Variants in OR7G2 observed in about 807,000 individuals in gnomAD.
The protein encoded by OR7G2 is olfactory receptor 7G2.
For synonymous variants in OR7G2, 153 were observed against 152.2 expected (o/e 1.01, Z -0.04); for missense variants, 362 against 384.0 (o/e 0.94, Z 0.48).
At position 9,103,311 on chromosome 19, in the gene OR7G2, C is replaced by T. The variant is rs372291751; in HGVS notation, c.-16-52G>A. ...AAGCAGCAGCTGCATCGGCATCACTCGAGAACATGACAGAAACGCAAAATC... is the reference window on the plus strand; with the variant it reads ...AAGCAGCAGCTGCATCGGCATCACTTGAGAACATGACAGAAACGCAAAATC... On this transcript the variant is annotated intron_variant, in intron 1 of 1. Coordinates refer to ENST00000641081, the MANE Select transcript of OR7G2 (RefSeq NM_001005193.2). 28 of 1,602,712 alleles carry T rather than the reference C, an allele frequency of 1.7e-5. No individual in the cohort carries two copies. The African/African-American group carries it at 2.1e-4, about 12-fold the overall frequency.
chr19:9,101,941 GC>G lies in OR7G2; in HGVS notation c.*327del. ...AGGCAGGCTGGGCGCATTGTCTCACGCCTGTAATCCCAGCACTTTGGGAGGC... is the reference window on the plus strand; with the variant it reads ...AGGCAGGCTGGGCGCATTGTCTCACGCTGTAATCCCAGCACTTTGGGAGGC... On this transcript the variant is annotated 3_prime_UTR_variant, in exon 2 of 2. Coordinates refer to ENST00000641081, the MANE Select transcript of OR7G2 (RefSeq NM_001005193.2). The G allele has an allele frequency of 4.8e-6, 1 of 207,740 alleles. No individual in the cohort carries two copies. Among genetic ancestry groups the G allele is most frequent in the Non-Finnish European group, 9.6e-6 (1 of 103,634 alleles). 12.9% of individuals were successfully genotyped at this position (207,740 alleles called of 1,614,324 possible).
rs115235265 is a variant in OR7G2, at chr19:9,104,057, T to C, written c.-16-798A>G. On this transcript the variant is annotated intron_variant, in intron 1 of 1. Transcript: ENST00000641081. ...GCTAATTAAAAAAAAATTTTTTTTT[T>C]CGTATGTTTAGTAGAGACAGGGTCT... Among the ~76,000 whole-genome samples the C allele has an allele frequency of 6.7e-3, 1,015 of 150,910 alleles. 16 individuals are homozygous for C. Among genetic ancestry groups the C allele is most frequent in the African/African-American group, 0.023 (934 of 41,024 alleles).
chr19:9,106,757 G>T (rs527296463), intron 1 of OR7G2, among the ~76,000 whole-genome samples: 60 of 143,034 alleles, frequency 4.2e-4, no homozygotes, highest in African/African-American at 1.5e-3. Flanking sequence ...AAAAAAAAGT[G>T]CATATTTCAA....
chr19:9,104,047 AT>A (rs1017639735), intron 1 of OR7G2, among the ~76,000 whole-genome samples: 92 of 147,150 alleles, frequency 6.3e-4, no homozygotes, highest in African/African-American at 1.9e-3. Context: ...TTAAAAAAAA[AT>A]TTTTTTTTTC....
Position 9,102,665 on chromosome 19 carries a change from G to A in OR7G2, c.579C>T (p.Leu193=), listed in dbSNP as rs1374636976. The change falls in exon 2 of 2, where the codon CTC becomes CTT. Residue 193 remains leucine (L), a synonymous_variant. Transcript: ENST00000641081. ...QVIQLTCSDT[L]INNILIYFAA... ...CAAAATATATCAGGATGTTATTGAT[G>A]AGGGTGTCTGAACAGGTGAGTTGGA... is the stretch of plus-strand genomic sequence containing the variant. 3.1e-6 allele frequency: 5 copies of A among 1,614,192 alleles called. No homozygotes were observed. The highest frequency in any genetic ancestry group is 1.7e-5 in the Admixed American group (1 of 59,994).
At chr19:9,106,673 G>A (rs2050388094) in intron 1 of OR7G2, among the ~76,000 whole-genome samples, 1 of 144,298 alleles carries the variant, frequency 6.9e-6, no homozygotes, top group Non-Finnish European at 1.5e-5. Flanking sequence ...GGAGGCGGAG[G>A]TTGCAGTGAG....
Position 9,102,721 on chromosome 19 carries a change from G to A in OR7G2, c.523C>T (p.Pro175Ser). 1 of 1,614,114 alleles carries A rather than the reference G, an allele frequency of 6.2e-7. No individual in the cohort carries two copies. Among genetic ancestry groups the A allele is most frequent in the Non-Finnish European group, 8.5e-7 (1 of 1,180,028 alleles). Residue 175 changes from proline to serine, a missense_variant, in exon 2 of 2, where the codon CCG becomes TCG. Transcript: ENST00000641081. ...RLSFCTDLEI[P>S]LFFCELAQVI... is the part of the protein sequence containing the mutation. ...TGAGCCAGTTCACAGAAGAAGAGCG[G>A]GATTTCCAGGTCTGTGCAGAAGGAC...
At chr19:9,107,034 T>C (rs932786237) in intron 1 of OR7G2, among the ~76,000 whole-genome samples, 1 of 138,098 alleles carries the variant, frequency 7.2e-6, no homozygotes, top group Non-Finnish European at 1.6e-5. Context: ...AGAACCTGTG[T>C]CTACAAAAAA....
chr19:9,104,026 T>C (rs1448932031), intron 1 of OR7G2, among the ~76,000 whole-genome samples: 1 of 151,354 alleles, frequency 6.6e-6, no homozygotes, highest in East Asian at 2.0e-4. Context: ...CACAGCACCA[T>C]ATTTGGCTAA....
chr19:9,102,578 G>A lies in OR7G2; in HGVS notation c.666C>T (p.Thr222=). 1 of 1,614,114 alleles carries A rather than the reference G, an allele frequency of 6.2e-7. No individual in the cohort carries two copies. The highest frequency in any genetic ancestry group is 8.5e-7 in the Non-Finnish European group (1 of 1,180,000). The change falls in exon 2 of 2, where the codon ACC becomes ACT. Residue 222 remains threonine, a synonymous_variant. Coordinates refer to ENST00000641081, the MANE Select transcript of OR7G2 (RefSeq NM_001005193.2). ...SGIILSYTQI[T]SCVLRMPSAS... is the part of the protein sequence containing the mutation. ...CTGATGGCATTCTCAAAACACAGGA[G>A]GTGATCTGAGTGTAAGACAAAATGA...
At chr19:9,106,179 A>G (rs940385241) in intron 1 of OR7G2, among the ~76,000 whole-genome samples, 1 of 152,118 alleles carries the variant, frequency 6.6e-6, no homozygotes, top group Non-Finnish European at 1.5e-5. Flanking sequence ...GCACTTTGGG[A>G]GGCTGAGGCA....
In OR7G2 at chr19:9,102,868, T is replaced by C. The variant is rs2050362944; in HGVS notation, c.376A>G (p.Ile126Val). 2 of 1,613,828 alleles carry C rather than the reference T, an allele frequency of 1.2e-6. No individual in the cohort carries two copies. Among genetic ancestry groups the C allele is most frequent in the East Asian group, 4.5e-5 (2 of 44,884 alleles). Residue 126 changes from isoleucine (I) to valine (V), a missense_variant, in exon 2 of 2, where the codon ATT (isoleucine) becomes GTT (valine). By Grantham distance (29) the Ile-to-Val change is conservative. Coordinates refer to ENST00000641081, the MANE Select transcript of OR7G2 (RefSeq NM_001005193.2). Reference sequence around the variant, plus strand: ...ACTGTGTATCTAAGGGGGTGACAAATGGCCACATAGCGGTCATAGGCCATT... The same window carrying C: ...ACTGTGTATCTAAGGGGGTGACAAACGGCCACATAGCGGTCATAGGCCATT... Reference protein sequence around the residue: ...AAMAYDRYVAICHPLRYTVIM... With the variant: ...AAMAYDRYVAVCHPLRYTVIM...
intron 1 of OR7G2, among the ~76,000 whole-genome samples, chr19:9,106,517 G>A (rs1045104936): frequency 1.3e-5 from 2 of 150,292 alleles, no homozygotes; most frequent in African/African-American, 4.9e-5. Context: ...AATAAAGTGT[G>A]TATTTGAGGC....
rs200378142 is a variant in OR7G2 at position 9,103,328 on chromosome 19, C to T, written c.-16-69G>A. On this transcript the variant is annotated intron_variant, in intron 1 of 1. Transcript: ENST00000641081. The stretch of plus-strand genomic sequence containing the variant: ...GCATCACTCGAGAACATGACAGAAA[C>T]GCAAAATCTTGCTCCCCTCCCCAGA... 352 of 1,553,378 alleles carry T rather than the reference C, an allele frequency of 2.3e-4. 1 individual carries two copies. The highest frequency in any genetic ancestry group is 1.7e-4 in the Middle Eastern group (1 of 5,892).
rs372303945 is a variant in OR7G2, at chr19:9,101,131, A to C, written c.*1138T>G. Reference sequence around the variant, plus strand: ...CATTGCATTCCAGCCTAGGTGACAAAGCAAGACCCTGTCTATGGAAAAAAA... The same window carrying C: ...CATTGCATTCCAGCCTAGGTGACAACGCAAGACCCTGTCTATGGAAAAAAA... On this transcript the variant is annotated 3_prime_UTR_variant, in exon 2 of 2. Coordinates refer to ENST00000641081, the MANE Select transcript of OR7G2 (RefSeq NM_001005193.2). 1 of 152,104 alleles carries C rather than the reference A, an allele frequency of 6.6e-6. No individual in the cohort carries two copies. Among genetic ancestry groups the C allele is most frequent in the East Asian group, 1.9e-4 (1 of 5,198 alleles). The allele number at this position is 152,104 out of a possible 1,614,324, so 9.4% of individuals were successfully genotyped here.
chr19:9,105,891 A>C (rs545069410), intron 1 of OR7G2, among the ~76,000 whole-genome samples: 1 of 135,800 alleles, frequency 7.4e-6, no homozygotes, highest in African/African-American at 2.5e-5. Flanking sequence ...CTGATGTATG[A>C]TTCACAAAAA....
rs751521822 is a variant in OR7G2 at position 9,102,417 on chromosome 19, A to G, written c.827T>C (p.Val276Ala). The change falls in exon 2 of 2, where the codon GTG becomes GCG. Residue 276 changes from valine (V) to alanine (A), a missense_variant. Physicochemically the swap from Val to Ala is moderately conservative, Grantham distance 64. Transcript: ENST00000641081. ...CATTTGAGGGAACACAGAATACATCACTGAAGCCACTGCAGTCTTCCTAGG... is the reference window on the plus strand; with the variant it reads ...CATTTGAGGGAACACAGAATACATCGCTGAAGCCACTGCAGTCTTCCTAGG... ...DSPRKTAVAS[V>A]MYSVFPQMVN... 11 of 1,613,968 alleles carry G rather than the reference A, an allele frequency of 6.8e-6. No individual in the cohort carries two copies. Among genetic ancestry groups the G allele is most frequent in the South Asian group, 3.3e-5 (3 of 91,084 alleles).
intron 1 of OR7G2, among the ~76,000 whole-genome samples, chr19:9,104,065 T>C (rs2050372271): frequency 6.6e-6 from 1 of 150,864 alleles, no homozygotes; most frequent in African/African-American, 2.4e-5. Context: ...TTTCGTATGT[T>C]TAGTAGAGAC....
chr19:9,102,455 C>A lies in OR7G2; in HGVS notation c.789G>T (p.Val263=). 3 of 1,613,982 alleles carry A rather than the reference C, an allele frequency of 1.9e-6. No homozygotes were observed. Among genetic ancestry groups the A allele is most frequent in the African/African-American group, 2.7e-5 (2 of 75,020 alleles). ...GAGLGVYISS[V]VTDSPRKTAV... ...CAGTCTTCCTAGGTGAGTCAGTAAC[C>A]ACAGAACTAATGTACACCCCCAAAC... The change falls in exon 2 of 2, where the codon GTG becomes GTT. Residue 263 remains valine (V), a synonymous_variant. Transcript: ENST00000641081.
Sources: allele counts gnomAD v4.1 joint callset (sites outside exome capture counted in the v4.1 genomes callset), GRCh38; gene constraint gnomAD v4.1.1; transcripts MANE v1.5; gene names NCBI Gene and HGNC (gene_info 2026-07-23, HGNC 2026-07-21).